The following SLC26A6 variants were observed in gnomAD, a reference collection of about 807,000 sequenced individuals.
SLC26A6 encodes the protein anion exchange transporter.
In SLC26A6, 67 loss-of-function variants were observed where a neutral mutation model predicts 87.1. That is an observed-to-expected ratio of 0.77 (90% confidence interval 0.63 to 0.94). SLC26A6 has a LOEUF of 0.94. Among genes scored for constraint, SLC26A6 ranks in the 40% least tolerant of loss-of-function variants. The pLI is 0.00. For missense variants in SLC26A6, 902 were observed against 973.0 expected, an observed-to-expected ratio of 0.93 and a Z score of 0.97; for synonymous variants, 414 against 405.9, an observed-to-expected ratio of 1.02 and a Z score of -0.24.
rs374781862 is a variant in SLC26A6, at chr3:48,628,744, G to A, written c.1600-30C>T. Reference sequence around the variant, plus strand: ...GGATGAGGCAGAACTGGTGGTGGCTGAATCTCCTCTCTCCTGGCTGCATCC... The same window carrying A: ...GGATGAGGCAGAACTGGTGGTGGCTAAATCTCCTCTCTCCTGGCTGCATCC... On this transcript the variant is annotated intron_variant, in intron 14 of 20. Transcript: ENST00000395550. The surrounding 1 kb of genome is among the most constrained non-coding windows in gnomAD (Gnocchi z 4.4). 5.6e-6 allele frequency: 9 copies of A among 1,605,892 alleles called. No individual in the cohort carries two copies. In the Admixed American group the frequency reaches 1.2e-4, roughly 21 times the overall value.
intron 17 of SLC26A6, 186 bp downstream of exon 17, chr3:48,627,747 TGAGAATCTAAGCC>T (rs2046665983): frequency 2.0e-6 from 1 of 492,184 alleles, no homozygotes; most frequent in Non-Finnish European, 3.5e-6. Context: ...CATCTAGGCC[TGAGAATCTAAGCC>T]TAGATTCTGT....
rs1243387026 is a variant in SLC26A6 at position 48,629,638 on chromosome 3, T to C, written c.1599+4A>G. ...CACCATCTCACTCAGCCCCTGACAC[T>C]CACCTCTGAGTACTCTGCCACATCT... On this transcript the variant is annotated splice_donor_region_variant and intron_variant, in intron 14 of 20. Transcript: ENST00000395550. 2 of 1,609,430 alleles carry C rather than the reference T, an allele frequency of 1.2e-6. No homozygotes were observed. The highest frequency in any genetic ancestry group is 1.7e-6 in the Non-Finnish European group (2 of 1,177,884).
Position 48,633,962 on chromosome 3 carries a change from C to T in SLC26A6, c.24-327G>A, listed in dbSNP as rs74414833. 966 of 937,078 alleles carry T rather than the reference C, an allele frequency of 1.0e-3. 6 individuals are homozygous for T. In the African/African-American group the frequency reaches 0.016, roughly 15 times the overall value. The allele number at this position is 937,078 out of a possible 1,614,324, so 58.0% of individuals were successfully genotyped here. A position where few individuals can be genotyped will look rare whatever the true frequency, so the allele number is the denominator to read the frequency against. On this transcript the variant is annotated intron_variant, in intron 1 of 20. Coordinates refer to ENST00000395550, the MANE Select transcript of SLC26A6 (RefSeq NM_022911.3). ...CAGTCCAGGTCCCAGGCTGCTCCCT[C>T]CCCCACCCAGTCCCTCTCCAGTCCC... is the stretch of plus-strand genomic sequence containing the variant.
rs1559469273 is a variant in SLC26A6 at position 48,632,035 on chromosome 3, C to G, written c.595G>C (p.Gly199Arg). Residue 199 changes from glycine (G) to arginine (R), a missense_variant, in exon 6 of 21, where the codon GGC (glycine) becomes CGC (arginine). This residue lies in a region of SLC26A6 where 800 missense variants were observed against 856.8 expected (regional missense o/e 0.93). Coordinates refer to ENST00000395550, the MANE Select transcript of SLC26A6 (RefSeq NM_022911.3). ...VLVGLFQVGL[G>R]LIHFGFVVTY... ...ACCACGAAGCCGAAGTGGATCAGGC[C>G]CAGCCCCACCTGTGGGGCGGCCAGG... is the stretch of plus-strand genomic sequence containing the variant. The G allele has an allele frequency of 6.2e-7, 1 of 1,613,170 alleles. No homozygotes were observed. Among genetic ancestry groups the G allele is most frequent in the Non-Finnish European group, 8.5e-7 (1 of 1,179,938 alleles).
At chr3:48,629,590 T>C in intron 14 of SLC26A6, 52 bp downstream of exon 14, 1 of 1,542,698 alleles carries the variant, frequency 6.5e-7, no homozygotes, top group Non-Finnish European at 8.8e-7. Flanking sequence ...CAAAGGCTCA[T>C]TCTTCCTCCG....
intron 14 of SLC26A6, 34 bp downstream of exon 14, chr3:48,629,608 A>G: frequency 1.3e-6 from 2 of 1,579,050 alleles, no homozygotes; most frequent in Non-Finnish European, 1.7e-6. Flanking sequence ...CCGTCTCCCC[A>G]TCCACACCAT....
Position 48,635,404 on chromosome 3 carries a change from T to C in SLC26A6, c.-11A>G, listed in dbSNP as rs1292543310. 6.3e-7 allele frequency: 1 copy of C among 1,582,394 alleles called. No homozygotes were observed. The highest frequency in any genetic ancestry group is 1.3e-5 in the African/African-American group (1 of 74,092). ...ATCCGCCAGCCCCATGGCTCGCAAGTTGTCCGGTGCGGGCTGCTCCTGCTG... is the reference window on the plus strand; with the variant it reads ...ATCCGCCAGCCCCATGGCTCGCAAGCTGTCCGGTGCGGGCTGCTCCTGCTG... On this transcript the variant is annotated 5_prime_UTR_variant, in exon 1 of 21. Transcript: ENST00000395550.
intron 1 of SLC26A6, chr3:48,634,606 A>T: frequency 1.7e-6 from 1 of 581,416 alleles, no homozygotes; most frequent in Non-Finnish European, 2.2e-6. Flanking sequence ...AATAGATCTC[A>T]CAGAAGGATC....
At chr3:48,631,484 G>T in intron 7 of SLC26A6, 165 bp downstream of exon 7, 1 of 1,113,052 alleles carries the variant, frequency 9.0e-7, no homozygotes, top group Non-Finnish European at 1.2e-6. Flanking sequence ...GCTGTCAGGG[G>T]CAGGAAGAAA....
rs749849462 is a variant in SLC26A6 at position 48,635,436 on chromosome 3, C to A, written c.-43G>T. ...GTGCGGGCTGCTCCTGCTGCTCGAG[C>A]TAGAGGCCGCTACGCTCCGGAAGGC... On this transcript the variant is annotated 5_prime_UTR_variant, in exon 1 of 21. Coordinates refer to ENST00000395550, the MANE Select transcript of SLC26A6 (RefSeq NM_022911.3). The A allele has an allele frequency of 6.4e-7, 1 of 1,558,008 alleles. No homozygotes were observed. The highest frequency in any genetic ancestry group is 8.7e-7 in the Non-Finnish European group (1 of 1,153,186).
rs2046810235 is a variant in SLC26A6 at position 48,631,939 on chromosome 3, G to C, written c.691C>G (p.Leu231Val). 1 of 1,613,564 alleles carries C rather than the reference G, an allele frequency of 6.2e-7. No individual in the cohort carries two copies. Among genetic ancestry groups the C allele is most frequent in the Non-Finnish European group, 8.5e-7 (1 of 1,180,032 alleles). ...AAAVQVFVSQ[L>V]KYVFGLHLSS... ...AGATGGAGGCCAAACACATACTTGA[G>C]CTGTGAGACGAAGACCTGCACAGCT... Residue 231 changes from leucine to valine, a missense_variant, in exon 6 of 21, where the codon CTC becomes GTC. Transcript: ENST00000395550.
intron 1 of SLC26A6, among the ~76,000 whole-genome samples, chr3:48,635,037 T>C (rs2046917095): frequency 6.6e-6 from 1 of 152,186 alleles, no homozygotes. Flanking sequence ...AAGCAGCTAG[T>C]CCACGGGCCG....
Position 48,633,053 on chromosome 3 carries a change from G to C in SLC26A6, c.354C>G (p.Pro118=). Residue 118 remains proline, a synonymous_variant, in exon 4 of 21, where the codon CCC becomes CCG. Transcript: ENST00000395550. ...GLAYALLAGL[P]PVFGLYSSFY... ...AGGAGCTATAGAGGCCAAACACGGG[G>C]GGCAATCCAGCCAGGAGGGCGTAGG... The C allele has an allele frequency of 1.2e-6, 2 of 1,613,518 alleles. No individual in the cohort carries two copies. Among genetic ancestry groups the C allele is most frequent in the East Asian group, 4.5e-5 (2 of 44,886 alleles).
At chr3:48,633,815 A>T in intron 1 of SLC26A6, 180 bp from the exon 2 acceptor site, 10 of 1,440,390 alleles carry the variant, frequency 6.9e-6, no homozygotes, top group Non-Finnish European at 9.1e-6. Flanking sequence ...CAGGGGCAGT[A>T]CCTGAACTTT....
chr3:48,629,583 A>T, intron 14 of SLC26A6, 59 bp downstream of exon 14: 1 of 1,524,084 alleles, frequency 6.6e-7, no homozygotes, highest in Non-Finnish European at 8.9e-7. Context: ...GAATCCACAA[A>T]GGCTCATTCT....
chr3:48,626,603 T>C, intron 19 of SLC26A6, 28 bp downstream of exon 19: 1 of 1,613,980 alleles, frequency 6.2e-7, no homozygotes, highest in Non-Finnish European at 8.5e-7. Context: ...TCTTCCCAGG[T>C]CCCTCCTGCT....
At chr3:48,634,988 C>T (rs950931833) in intron 1 of SLC26A6, among the ~76,000 whole-genome samples, 1 of 152,238 alleles carries the variant, frequency 6.6e-6, no homozygotes, top group Non-Finnish European at 1.5e-5. Context: ...GCGCTCACTC[C>T]GGGATCAGTG....
Position 48,632,338 on chromosome 3 carries a change from C to A in SLC26A6, c.492G>T (p.Gln164His). The change falls in exon 5 of 21, where the codon CAG becomes CAT. Residue 164 changes from glutamine (Q) to histidine (H), a missense_variant. Physicochemically the swap from Gln to His is conservative, Grantham distance 24. Around this residue, in one of 3 missense-constraint regions of SLC26A6, gnomAD observed 800 missense variants for 856.8 expected, o/e 0.93. Transcript: ENST00000395550. The stretch of plus-strand genomic sequence containing the variant: ...CATTGATCATGGAGTCGTTCAAGGC[C>A]TGCGGGGCCAGGGATTCTGTCACAC... ...VGSVTESLAP[Q>H]ALNDSMINET... 2 of 1,613,060 alleles carry A rather than the reference C, an allele frequency of 1.2e-6. No homozygotes were observed. The highest frequency in any genetic ancestry group is 2.2e-5 in the South Asian group (2 of 90,944).
At position 48,629,757 on chromosome 3, in the gene SLC26A6, G is replaced by A; in HGVS notation, c.1530-46C>T. 5 of 1,610,424 alleles carry A rather than the reference G, an allele frequency of 3.1e-6. 1 individual carries two copies. Among genetic ancestry groups the A allele is most frequent in the Non-Finnish European group, 1.7e-6 (2 of 1,177,126 alleles). On this transcript the variant is annotated intron_variant, in intron 13 of 20. Coordinates refer to ENST00000395550, the MANE Select transcript of SLC26A6 (RefSeq NM_022911.3). ...GCACGAAGAGGGGGCAGAAAAAGGG[G>A]ATAACAGAGGGGTCCGAAGGAGCCT...
Sources: gnomAD v4.1 joint callset for allele counts (sites outside exome capture counted in the v4.1 genomes callset) on GRCh38, gnomAD v4.1.1 for gene constraint, gnomAD v4.1.1 regional missense constraint, Gnocchi (gnomAD v3.1) non-coding constraint, MANE v1.5 for transcripts, NCBI Gene and HGNC (gene_info 2026-07-23, HGNC 2026-07-21) for gene names.